SLC12A3: variants seen among roughly 807,000 people sequenced by gnomAD.
SLC12A3 encodes solute carrier family 12 member 3.
SLC12A3 carries 104 observed loss-of-function variants against 121.0 expected under a neutral mutation model. That is an observed-to-expected ratio of 0.86 (90% CI 0.73 to 1.01). The LOEUF is 1.01. Among genes scored for constraint, SLC12A3 ranks in the 50% least tolerant of loss-of-function variants. The pLI, the probability that SLC12A3 is intolerant of heterozygous loss-of-function variation, is 0.00. For synonymous variants in SLC12A3, 536 were observed against 533.4 expected (o/e 1.00, Z -0.07); for missense variants, 1,328 against 1,356.3 (o/e 0.98, Z 0.33).
intron 21 of SLC12A3, 52 bp downstream of exon 21, chr16:56,893,106 G>C (rs1178240063): frequency 6.9e-7 from 1 of 1,451,394 alleles, no homozygotes; most frequent in South Asian, 1.2e-5. Flanking sequence ...CGGGGTGGTG[G>C]TGGTCTTCCT....
At chr16:56,904,641 G>A (rs1254542960) in intron 25 of SLC12A3, 179 bp downstream of exon 25, 12 of 631,574 alleles carry the variant, frequency 1.9e-5, no homozygotes, top group African/African-American at 3.6e-5. Context: ...GCCTGAGCCC[G>A]CCCCACACCT....
At chr16:56,880,319 G>A (rs2055223807) in intron 12 of SLC12A3, 66 bp downstream of exon 12, 2 of 1,529,996 alleles carry the variant, frequency 1.3e-6, no homozygotes, top group Non-Finnish European at 8.8e-7. Context: ...GAGGGTCTTG[G>A]GGGCCGGGCT....
At chr16:56,879,703 G>C in intron 11 of SLC12A3, 54 bp downstream of exon 11, 1 of 1,306,146 alleles carries the variant, frequency 7.7e-7, no homozygotes, top group Non-Finnish European at 1.1e-6. Context: ...CTGGGCTAGA[G>C]GCACAATAGG....
chr16:56,877,241 A>C (rs1012948471), intron 8 of SLC12A3, among the ~76,000 whole-genome samples: 2 of 151,894 alleles, frequency 1.3e-5, no homozygotes, highest in Non-Finnish European at 2.9e-5. Context: ...AAAATACAAA[A>C]ATTAGGGCGC....
intron 1 of SLC12A3, among the ~76,000 whole-genome samples, chr16:56,865,939 C>T (rs1022473493): frequency 1.3e-5 from 2 of 152,062 alleles, no homozygotes; most frequent in African/African-American, 4.8e-5. Flanking sequence ...TCACTTTTCC[C>T]ATATGACAAT....
In SLC12A3 at chr16:56,890,134, A is replaced by G; in HGVS notation, c.2286-140A>G. 1.1e-5 allele frequency: 8 copies of G among 723,908 alleles called. No homozygotes were observed. In the South Asian group the frequency reaches 1.2e-4, roughly 10 times the overall value. 44.8% of individuals were successfully genotyped at this position (723,908 alleles called of 1,614,324 possible). A position where few individuals can be genotyped will look rare whatever the true frequency, so the allele number is the denominator to read the frequency against. On this transcript the variant is annotated intron_variant, in intron 18 of 25. Coordinates refer to ENST00000563236, the MANE Select transcript of SLC12A3 (RefSeq NM_001126108.2). ...CCAATTCTGCCTGTACAGGATACAG[A>G]TGGGGAAACTGAGGCCCAGAGAACA...
intron 20 of SLC12A3, 166 bp downstream of exon 20, chr16:56,892,299 G>A: frequency 1.5e-6 from 1 of 675,030 alleles, no homozygotes; most frequent in Non-Finnish European, 2.7e-6. Context: ...GGAACTGGAG[G>A]GGCTTGGCCG....
At chr16:56,889,044 A>G (rs969524707) in intron 18 of SLC12A3, among the ~76,000 whole-genome samples, 10 of 152,142 alleles carry the variant, frequency 6.6e-5, no homozygotes, top group Non-Finnish European at 7.4e-5. Flanking sequence ...GGCTGACTCC[A>G]AACTCTTCAT....
chr16:56,882,331 G>A lies in SLC12A3; in HGVS notation c.1568-65G>A, dbSNP rs2055251899. ...GGGGTCCCCCACCCTGGGAAGGAGG[G>A]TGCCAAGCCAGTCCTTGGCAGAGTT... is the stretch of plus-strand genomic sequence containing the variant. On this transcript the variant is annotated intron_variant, in intron 12 of 25. Transcript: ENST00000563236. The A allele has an allele frequency of 2.2e-6, 3 of 1,351,006 alleles. No individual in the cohort carries two copies. The East Asian group carries it at 6.9e-5, about 31-fold the overall frequency. 83.7% of individuals were successfully genotyped at this position (1,351,006 alleles called of 1,614,324 possible). A position where few individuals can be genotyped will look rare whatever the true frequency, so the allele number is the denominator to read the frequency against.
rs796652951 is a variant in SLC12A3, at chr16:56,867,452, C to T, written c.429+236C>T. On this transcript the variant is annotated intron_variant, in intron 2 of 25. Transcript: ENST00000563236. ...GGGGGCTGCACTAAACACACAAATC[C>T]GTAAATGTGTTTTTCTCCTCCATGA... 8.5e-5 allele frequency among the ~76,000 whole-genome samples: 13 copies of T among 152,274 alleles called. 2 individuals are homozygous for T. Among genetic ancestry groups the T allele is most frequent in the African/African-American group, 3.1e-4 (13 of 41,556 alleles).
intron 18 of SLC12A3, 72 bp downstream of exon 18, chr16:56,888,103 AAGT>A: frequency 8.8e-7 from 1 of 1,136,030 alleles, no homozygotes; most frequent in Non-Finnish European, 1.3e-6. Context: ...AGTGGAAAAG[AAGT>A]AGTGGGTGCT....
chr16:56,886,009 G>C (rs1290928792), intron 15 of SLC12A3, among the ~76,000 whole-genome samples: 1 of 152,192 alleles, frequency 6.6e-6, no homozygotes, highest in Admixed American at 6.5e-5. Context: ...TCGACGCAGA[G>C]GCTGAGTCAC....
At chr16:56,873,948 G>C (rs1291874113) in intron 8 of SLC12A3, among the ~76,000 whole-genome samples, 11 of 152,122 alleles carry the variant, frequency 7.2e-5, no homozygotes, top group Admixed American at 4.6e-4. Context: ...CTGACCTCAA[G>C]TGATCCACCC....
rs745452033 is a variant in SLC12A3 at position 56,865,465 on chromosome 16, G to C, written c.230G>C (p.Gly77Ala). Reference sequence around the variant, plus strand: ...CACTATGCCAACAGCACCCAGCCTGGTGAGCCCCGGAAGGTCCGGCCCACA... The same window carrying C: ...CACTATGCCAACAGCACCCAGCCTGCTGAGCCCCGGAAGGTCCGGCCCACA... ...YEHYANSTQP[G>A]EPRKVRPTLA... Residue 77 changes from glycine (G) to alanine (A), a missense_variant, in exon 1 of 26, where the codon GGT becomes GCT. Coordinates refer to ENST00000563236, the MANE Select transcript of SLC12A3 (RefSeq NM_001126108.2). The C allele has an allele frequency of 6.2e-7, 1 of 1,613,902 alleles. No homozygotes were observed. Among genetic ancestry groups the C allele is most frequent in the African/African-American group, 1.3e-5 (1 of 74,934 alleles).
At chr16:56,877,909 G>T (rs1212164597) in intron 8 of SLC12A3, among the ~76,000 whole-genome samples, 168 bp from the exon 9 acceptor site, 1 of 152,216 alleles carries the variant, frequency 6.6e-6, no homozygotes, top group African/African-American at 2.4e-5. Flanking sequence ...TCCTCTCTGT[G>T]CTGGAACAGG....
chr16:56,871,543 G>A (rs1402684207), intron 6 of SLC12A3, among the ~76,000 whole-genome samples: 1 of 152,088 alleles, frequency 6.6e-6, no homozygotes, highest in Non-Finnish European at 1.5e-5. Context: ...CTGTCAGAGG[G>A]TGTCCTCCTT....
rs1350701550 is a variant in SLC12A3 at position 56,884,124 on chromosome 16, T to G, written c.1745T>G (p.Phe582Cys). The G allele has an allele frequency of 6.2e-7, 1 of 1,614,094 alleles. No individual in the cohort carries two copies. Among genetic ancestry groups the G allele is most frequent in the African/African-American group, 1.3e-5 (1 of 74,936 alleles). The part of the protein sequence containing the change: ...FGAIISVVIM[F>C]LLTWWAALIA... ...GCTATCATCTCCGTGGTCATCATGT[T>G]CCTCCTCACCTGGTGGGCGGCCCTC... The change falls in exon 14 of 26, where the codon TTC becomes TGC. Residue 582 changes from phenylalanine to cysteine, a missense_variant. Transcript: ENST00000563236.
chr16:56,895,693 G>A (rs1328680816), intron 22 of SLC12A3, among the ~76,000 whole-genome samples: 1 of 152,056 alleles, frequency 6.6e-6, no homozygotes, highest in Admixed American at 6.5e-5. Context: ...CACAGGCTTG[G>A]GGGAGAGTGG....
At chr16:56,903,245 G>T (rs2144769168) in intron 24 of SLC12A3, among the ~76,000 whole-genome samples, 1 of 152,198 alleles carries the variant, frequency 6.6e-6, no homozygotes, top group Non-Finnish European at 1.5e-5. Context: ...TCAGAGCTAT[G>T]GTGCCCCTTC....
Sources: gnomAD v4.1 joint callset for allele counts (sites outside exome capture counted in the v4.1 genomes callset) on GRCh38, gnomAD v4.1.1 for gene constraint, MANE v1.5 for transcripts, NCBI Gene and HGNC (gene_info 2026-07-23, HGNC 2026-07-21) for gene names.